APP: variants seen among roughly 807,000 people sequenced by gnomAD.
APP encodes the protein amyloid beta precursor protein, also known as amyloid-beta precursor protein.
Under a neutral mutation model 101.4 loss-of-function variants are expected in APP, and 31 were observed. That is an observed-to-expected ratio of 0.31 (90% CI 0.23 to 0.41). The LOEUF is 0.41. Ranked by LOEUF, APP falls within the 10% of genes least tolerant of loss-of-function variation. APP has a pLI of 1.00. For synonymous variants in APP, 366 were observed against 364.4 expected, an observed-to-expected ratio of 1.00 and a Z score of -0.05; for missense variants, 839 against 1,003.7, an observed-to-expected ratio of 0.84 and a Z score of 2.22.
intron 6 of APP, among the ~76,000 whole-genome samples, chr21:26,010,169 C>T (rs1251201852): frequency 1.4e-5 from 2 of 147,920 alleles, no homozygotes; most frequent in Non-Finnish European, 3.0e-5. Context: ...TCACCATTTG[C>T]TATTTTATAA....
At chr21:25,939,791 T>G in intron 13 of APP, among the ~76,000 whole-genome samples, 1 of 152,088 alleles carries the variant, frequency 6.6e-6, no homozygotes, top group East Asian at 1.9e-4. Context: ...TAAATTTGGT[T>G]AGTTTGCTTC....
At chr21:25,940,776 T>A (rs532011943) in intron 13 of APP, among the ~76,000 whole-genome samples, 45 of 152,328 alleles carry the variant, frequency 3.0e-4, no homozygotes, top group Middle Eastern at 3.4e-3. Flanking sequence ...AATGAGTTGA[T>A]TAGTCTCTAA....
rs529020363 is a variant in APP, at chr21:25,956,960, C to T, written c.1459-1205G>A. Among the ~76,000 whole-genome samples the T allele has an allele frequency of 2.8e-4, 43 of 152,288 alleles. 1 individual carries two copies. The South Asian group carries it at 5.2e-3, about 18-fold the overall frequency. ...CCTCTTTAATGTGAGATCCACAGGGCTGGATTTGGTCTTTTTTCTTTATTT... is the reference window on the plus strand; with the variant it reads ...CCTCTTTAATGTGAGATCCACAGGGTTGGATTTGGTCTTTTTTCTTTATTT... On this transcript the variant is annotated intron_variant, in intron 11 of 17. Coordinates refer to ENST00000346798, the MANE Select transcript of APP (RefSeq NM_000484.4).
intron 5 of APP, among the ~76,000 whole-genome samples, chr21:26,028,078 C>T (rs1275516843): frequency 6.6e-6 from 1 of 151,820 alleles, no homozygotes; most frequent in Non-Finnish European, 1.5e-5. Flanking sequence ...CGCCTGTAAT[C>T]CCAGCTACTT....
intron 14 of APP, among the ~76,000 whole-genome samples, chr21:25,908,897 G>C (rs2146309073): frequency 6.6e-6 from 1 of 152,274 alleles, no homozygotes; most frequent in Middle Eastern, 3.4e-3. Flanking sequence ...ACTCGGGTCT[G>C]TATCATTCAG....
intron 5 of APP, among the ~76,000 whole-genome samples, chr21:26,045,219 G>A (rs891034213): frequency 1.3e-5 from 2 of 151,624 alleles, no homozygotes; most frequent in Non-Finnish European, 2.9e-5. Context: ...ATAAAATTAT[G>A]AGCTGTCAAT....
chr21:26,038,562 G>A (rs950817082), intron 5 of APP, among the ~76,000 whole-genome samples: 3 of 152,280 alleles, frequency 2.0e-5, no homozygotes, highest in East Asian at 1.9e-4. Flanking sequence ...TCAGGAGTTC[G>A]AGACCAGTCT....
chr21:26,102,443 A>C (rs950021952), intron 2 of APP, among the ~76,000 whole-genome samples: 5 of 152,096 alleles, frequency 3.3e-5, no homozygotes, highest in African/African-American at 2.4e-5. Flanking sequence ...GGACAATAAA[A>C]TCTAACAATT....
chr21:25,901,833 C>CG (rs35374535), intron 15 of APP, among the ~76,000 whole-genome samples: 152,039 of 152,154 alleles, frequency 1, 75,962 homozygotes, highest in Middle Eastern at 1. Flanking sequence ...TTGCATGGCT[C>CG]GGGTCAAGGA....
rs201466202 is a variant in APP at position 25,955,634 on chromosome 21, C to T, written c.1580G>A (p.Arg527Gln). 63 of 1,613,960 alleles carry T rather than the reference C, an allele frequency of 3.9e-5. 1 individual carries two copies. The highest frequency in any genetic ancestry group is 3.4e-4 in the South Asian group (31 of 91,088). Residue 527 changes from arginine to glutamine, a missense_variant, in exon 12 of 18, where the codon CGG (arginine) becomes CAG (glutamine). Arg to Gln is a conservative substitution (Grantham distance 43). Transcript: ENST00000346798. The part of the protein sequence containing the change: ...MVDPKKAAQI[R>Q]SQVMTHLRVI... Reference sequence around the variant, plus strand: ...ATTATACCCCACGCTTACCTGGGACCGGATCTGAGCGGCTTTCTTGGGATC... The same window carrying T: ...ATTATACCCCACGCTTACCTGGGACTGGATCTGAGCGGCTTTCTTGGGATC...
At chr21:25,896,677 G>C (rs2038072002) in intron 16 of APP, among the ~76,000 whole-genome samples, 1 of 152,160 alleles carries the variant, frequency 6.6e-6, no homozygotes, top group Non-Finnish European at 1.5e-5. Context: ...AGGAGATGTG[G>C]CTTTTTGATT....
chr21:25,984,206 T>C (rs2042551545), intron 8 of APP, among the ~76,000 whole-genome samples: 1 of 151,750 alleles, frequency 6.6e-6, no homozygotes, highest in Non-Finnish European at 1.5e-5. Context: ...CCACTGAAAA[T>C]GTTTTGGTAG....
intron 1 of APP, among the ~76,000 whole-genome samples, chr21:26,119,557 CTTACT>C (rs899503641): frequency 3.3e-5 from 5 of 152,116 alleles, no homozygotes; most frequent in African/African-American, 9.7e-5. Flanking sequence ...TTTATCAACC[CTTACT>C]TTATTTAATG....
intron 7 of APP, 117 bp from the exon 8 acceptor site, chr21:25,997,533 G>A (rs2043105057): frequency 1.1e-6 from 1 of 902,500 alleles, no homozygotes; most frequent in Non-Finnish European, 1.8e-6. Context: ...CACTCACTTA[G>A]GTTTGGTCCC....
Position 25,881,727 on chromosome 21 carries a change from C to T in APP, c.2256G>A (p.Met752Ile), listed in dbSNP as rs1312015141. The stretch of plus-strand genomic sequence containing the variant: ...TTGGATTTTCGTAGCCGTTCTGCTG[C>T]ATCTTGGACAGGTGGCGCTCCTCTG... ...VTPEERHLSK[M>I]QQNGYENPTY... is the part of the protein sequence containing the mutation. Residue 752 changes from methionine to isoleucine, a missense_variant, in exon 18 of 18, where the codon ATG (methionine) becomes ATA (isoleucine). Met to Ile is a conservative substitution (Grantham distance 10). Coordinates refer to ENST00000346798, the MANE Select transcript of APP (RefSeq NM_000484.4). 1.2e-6 allele frequency: 2 copies of T among 1,614,014 alleles called. No individual in the cohort carries two copies. The highest frequency in any genetic ancestry group is 1.7e-6 in the Non-Finnish European group (2 of 1,180,036).
chr21:25,882,806 A>C (rs3787620), intron 17 of APP, among the ~76,000 whole-genome samples: 17,113 of 152,176 alleles, frequency 0.11, 943 homozygotes, highest in South Asian at 0.13. Context: ...TGGATGTACC[A>C]TAGAGAAGAT....
chr21:25,948,181 A>G (rs1185713879), intron 13 of APP, among the ~76,000 whole-genome samples: 1 of 138,642 alleles, frequency 7.2e-6, no homozygotes, highest in Non-Finnish European at 1.6e-5. Flanking sequence ...TTTGATGTTC[A>G]TCCTTGACTA....
At chr21:25,990,111 G>GA (rs1350570257) in intron 8 of APP, among the ~76,000 whole-genome samples, 1 of 151,186 alleles carries the variant, frequency 6.6e-6, no homozygotes, top group East Asian at 1.9e-4. Flanking sequence ...AACAACAAAA[G>GA]AAAAAACAAA....
At chr21:25,975,719 T>C (rs955732226) in intron 10 of APP, among the ~76,000 whole-genome samples, 1 of 152,210 alleles carries the variant, frequency 6.6e-6, no homozygotes, top group African/African-American at 2.4e-5. Context: ...AAAAAGTAGA[T>C]TGCAAGTTAC....
Sources: gnomAD v4.1 joint callset for allele counts (sites outside exome capture counted in the v4.1 genomes callset) on GRCh38, gnomAD v4.1.1 for gene constraint, MANE v1.5 for transcripts, NCBI Gene and HGNC (gene_info 2026-07-23, HGNC 2026-07-21) for gene names.